The following AAK1 variants were observed in gnomAD, a reference collection of about 807,000 sequenced individuals.
AAK1 encodes the protein AP2-associated protein kinase 1.
A neutral mutation model predicts 116.0 loss-of-function variants in AAK1; 37 were observed. The ratio of observed to expected loss-of-function variants is 0.32; its 90% CI spans 0.25 to 0.42. The LOEUF is 0.42. Among genes scored for constraint, AAK1 ranks in the 10% least tolerant of loss-of-function variants. AAK1 has a pLI of 1.00. For synonymous variants in AAK1, 458 were observed against 439.9 expected (o/e 1.04, Z -0.51); for missense variants, 919 against 1,170.6 (o/e 0.79, Z 3.14).
Position 69,530,724 on chromosome 2 carries a change from AT to A in AAK1, c.657-19del. 6.3e-7 allele frequency: 1 copy of A among 1,579,370 alleles called. No individual in the cohort carries two copies. The highest frequency in any genetic ancestry group is 8.7e-7 in the Non-Finnish European group (1 of 1,149,664). Reference sequence around the variant, plus strand: ...TTGTGTATCTACAATCAAGAGATTCATTTTTTATTAAATATGTCAATACTAT... The same window carrying A: ...TTGTGTATCTACAATCAAGAGATTCATTTTTATTAAATATGTCAATACTAT... On this transcript the variant is annotated intron_variant, in intron 6 of 21. Coordinates refer to ENST00000409085, the MANE Select transcript of AAK1 (RefSeq NM_014911.5).
At position 69,643,279 on chromosome 2, in the gene AAK1, G is replaced by GA; in HGVS notation, c.-234-6dup. On this transcript the variant is annotated splice_region_variant and splice_polypyrimidine_tract_variant and intron_variant, in intron 1 of 21. Transcript: ENST00000409085. ...GCGATTCGTGTAAGTTTAAACCTGT[G>GA]ATGACAGAGGAAGAAAGAGAGGATG... is the stretch of plus-strand genomic sequence containing the variant. 7.2e-7 allele frequency: 1 copy of GA among 1,384,300 alleles called. No homozygotes were observed. Among genetic ancestry groups the GA allele is most frequent in the Middle Eastern group, 2.7e-4 (1 of 3,716 alleles). 85.8% of individuals were successfully genotyped at this position (1,384,300 alleles called of 1,614,324 possible).
chr2:69,516,169 C>G (rs1373788394), intron 12 of AAK1, among the ~76,000 whole-genome samples: 3 of 151,914 alleles, frequency 2.0e-5, no homozygotes, highest in Non-Finnish European at 4.4e-5. Flanking sequence ...GCTGAACGCG[C>G]CAGAAAATAA....
intron 13 of AAK1, among the ~76,000 whole-genome samples, chr2:69,513,566 G>A (rs768904123): frequency 8.5e-4 from 130 of 152,110 alleles, no homozygotes; most frequent in Non-Finnish European, 5.9e-4. Flanking sequence ...CTTGTGATCC[G>A]CCCGCCTCGG....
intron 7 of AAK1, 42 bp from the exon 8 acceptor site, chr2:69,530,182 A>G (rs770404574): frequency 1.3e-6 from 2 of 1,578,450 alleles, no homozygotes; most frequent in Non-Finnish European, 1.7e-6. Flanking sequence ...TGGCTTATTT[A>G]TCATGACTCT....
chr2:69,572,006 G>A (rs1224322897), intron 2 of AAK1, among the ~76,000 whole-genome samples: 1 of 152,174 alleles, frequency 6.6e-6, no homozygotes, highest in Non-Finnish European at 1.5e-5. Flanking sequence ...TTTCATATCA[G>A]ATGAAATAAA....
rs572604138 is a variant in AAK1 at position 69,585,225 on chromosome 2, T to C, written c.164-28247A>G. ...TGGCATAACATATAAGAGATATTCT[T>C]TTTTAAATTAATTTTTTGTAGAGAT... On this transcript the variant is annotated intron_variant, in intron 2 of 21. Transcript: ENST00000409085. Among the ~76,000 whole-genome samples, 66 of 152,312 alleles carry C rather than the reference T, an allele frequency of 4.3e-4. No individual in the cohort carries two copies. In the South Asian group the frequency reaches 0.013, roughly 31 times the overall value.
At chr2:69,635,590 C>T (rs1032770604) in intron 2 of AAK1, among the ~76,000 whole-genome samples, 1 of 152,168 alleles carries the variant, frequency 6.6e-6, no homozygotes, top group African/African-American at 2.4e-5. Flanking sequence ...TATACAATGG[C>T]ATATTCCTGA....
chr2:69,595,701 A>G (rs1308407720), intron 2 of AAK1, among the ~76,000 whole-genome samples: 3 of 151,976 alleles, frequency 2.0e-5, no homozygotes, highest in African/African-American at 7.3e-5. Context: ...CAAGTTATCC[A>G]TAAGATCTAG....
intron 2 of AAK1, among the ~76,000 whole-genome samples, chr2:69,614,054 G>T (rs942333252): frequency 6.6e-6 from 1 of 151,636 alleles, no homozygotes; most frequent in Non-Finnish European, 1.5e-5. Flanking sequence ...CTGATTGTTA[G>T]TGTGGAAAAA....
At chr2:69,553,719 G>A (rs1671279225) in intron 3 of AAK1, among the ~76,000 whole-genome samples, 1 of 151,558 alleles carries the variant, frequency 6.6e-6, no homozygotes, top group Admixed American at 6.6e-5. Flanking sequence ...TGGGATTACG[G>A]GCATGAGCCA....
Position 69,474,462 on chromosome 2 carries a change from T to C in AAK1, c.*1407A>G, listed in dbSNP as rs1197072681. ...ATAGAGAGGGTGACCATGAGGCATGTTGTCATGTTAGTGCAGGGGCCTTTA... is the reference window on the plus strand; with the variant it reads ...ATAGAGAGGGTGACCATGAGGCATGCTGTCATGTTAGTGCAGGGGCCTTTA... On this transcript the variant is annotated 3_prime_UTR_variant, in exon 22 of 22. Transcript: ENST00000409085. The C allele has an allele frequency of 2.0e-6, 2 of 985,570 alleles. No individual in the cohort carries two copies. The highest frequency in any genetic ancestry group is 2.4e-6 in the Non-Finnish European group (2 of 829,932). The allele number at this position is 985,570 out of a possible 1,614,324, so 61.1% of individuals were successfully genotyped here. A position where few individuals can be genotyped will look rare whatever the true frequency, so the allele number is the denominator to read the frequency against.
At chr2:69,549,933 C>A (rs4241252) in intron 3 of AAK1, among the ~76,000 whole-genome samples, 70,986 of 152,112 alleles carry the variant, frequency 0.47, 17,596 homozygotes, top group East Asian at 0.77. Flanking sequence ...CATAATTGAT[C>A]AATGTATCTT....
chr2:69,458,442 C>T lies in AAK1; in HGVS notation c.*17427G>A, dbSNP rs1035374086. On this transcript the variant is annotated 3_prime_UTR_variant, in exon 22 of 22. Transcript: ENST00000409085. ...CTGGTCACTGCTACCCTCTCAATGC[C>T]ACACATGAGCCCTCAGGGTGAGCCC... The T allele has an allele frequency of 3.9e-5, 6 of 152,634 alleles. No individual in the cohort carries two copies. The highest frequency in any genetic ancestry group is 3.9e-4 in the Admixed American group (6 of 15,286). The allele number at this position is 152,634 out of a possible 1,614,324, so 9.5% of individuals were successfully genotyped here. A position where few individuals can be genotyped will look rare whatever the true frequency, so the allele number is the denominator to read the frequency against.
intron 6 of AAK1, 127 bp downstream of exon 6, chr2:69,531,914 T>C (rs916801999): frequency 7.0e-7 from 1 of 1,430,230 alleles, no homozygotes; most frequent in African/African-American, 1.4e-5. Context: ...GTAAACATGA[T>C]GCTCTGAGAT....
In AAK1 at chr2:69,471,768, C is replaced by T. The variant is rs1442156039; in HGVS notation, c.*4101G>A. 1 of 985,334 alleles carries T rather than the reference C, an allele frequency of 1.0e-6. No individual in the cohort carries two copies. Among genetic ancestry groups the T allele is most frequent in the Non-Finnish European group, 1.2e-6 (1 of 829,942 alleles). 61.0% of individuals were successfully genotyped at this position (985,334 alleles called of 1,614,324 possible). A position where few individuals can be genotyped will look rare whatever the true frequency, so the allele number is the denominator to read the frequency against. ...ATCCCTCCACATCATAGGCTGTCAGCCCCAAAGATCCCTTCATTCCCACAG... is the reference window on the plus strand; with the variant it reads ...ATCCCTCCACATCATAGGCTGTCAGTCCCAAAGATCCCTTCATTCCCACAG... On this transcript the variant is annotated 3_prime_UTR_variant, in exon 22 of 22. Coordinates refer to ENST00000409085, the MANE Select transcript of AAK1 (RefSeq NM_014911.5).
intron 2 of AAK1, among the ~76,000 whole-genome samples, chr2:69,619,671 G>A (rs1674499666): frequency 6.6e-6 from 1 of 152,144 alleles, no homozygotes; most frequent in East Asian, 1.9e-4. Flanking sequence ...TAATGGAATG[G>A]TCAGGGAAGG....
intron 16 of AAK1, among the ~76,000 whole-genome samples, chr2:69,504,593 TC>T (rs1426762214): frequency 1.3e-5 from 2 of 151,760 alleles, no homozygotes; most frequent in Non-Finnish European, 2.9e-5. Flanking sequence ...CATGGTGACA[TC>T]CCGTCTCTAC....
At chr2:69,609,662 TA>T (rs1241966147) in intron 2 of AAK1, among the ~76,000 whole-genome samples, 3 of 151,844 alleles carry the variant, frequency 2.0e-5, no homozygotes, top group South Asian at 2.1e-4. Flanking sequence ...AGACTCCATC[TA>T]AAAAATAATA....
chr2:69,531,386 G>A (rs1045437565), intron 6 of AAK1, among the ~76,000 whole-genome samples: 6 of 152,154 alleles, frequency 3.9e-5, no homozygotes, highest in Admixed American at 6.5e-5. Context: ...CTGGGGTGAC[G>A]CATGAAAGGA....
Sources: gnomAD v4.1 joint callset for allele counts (sites outside exome capture counted in the v4.1 genomes callset) on GRCh38, gnomAD v4.1.1 for gene constraint, MANE v1.5 for transcripts, NCBI Gene and HGNC (gene_info 2026-07-23, HGNC 2026-07-21) for gene names.